The following KANK1 variants were observed in gnomAD, a reference collection of about 807,000 sequenced individuals.
The protein encoded by KANK1 is KN motif and ankyrin repeat domains 1.
In KANK1, 109 loss-of-function variants were observed where a neutral mutation model predicts 106.2. The observed-to-expected ratio is 1.03, with a 90% CI of 0.88 to 1.20. KANK1 has a LOEUF of 1.20. KANK1 is among the 50% of genes most tolerant of loss of function. The pLI is 0.00. For missense variants in KANK1, 2,399 were observed against 1,710.7 expected (o/e 1.40, Z -7.10); for synonymous variants, 873 against 652.2 (o/e 1.34, Z -5.16).
At chr9:589,577 A>G (rs1014126325) in intron 1 of KANK1, among the ~76,000 whole-genome samples, 2 of 152,116 alleles carry the variant, frequency 1.3e-5, no homozygotes, top group Non-Finnish European at 2.9e-5. Flanking sequence ...TTCCGTGACT[A>G]CAGGGCTGGC....
chr9:671,509 T>TGGTCTGTGCCTGTAGTCCCAGCTAATTG (rs145823320), intron 1 of KANK1, among the ~76,000 whole-genome samples: 2 of 144,304 alleles, frequency 1.4e-5, no homozygotes, highest in Admixed American at 1.4e-4. Context: ...CTGGACGTGG[T>TGGTCTGTGCCTGTAGTCCCAGCTAATTG]GGAGGCTGAG....
chr9:581,405 C>T (rs571979620), intron 1 of KANK1, among the ~76,000 whole-genome samples: 3 of 152,304 alleles, frequency 2.0e-5, no homozygotes, highest in Non-Finnish European at 1.5e-5. Flanking sequence ...AGAGCCTTCT[C>T]GTAAATCTGT....
intron 1 of KANK1, among the ~76,000 whole-genome samples, chr9:555,623 A>G (rs143552434): frequency 1.2e-4 from 19 of 152,310 alleles, no homozygotes; most frequent in Admixed American, 1.2e-3. Context: ...AAATAACTGT[A>G]AAAGCGTAAG....
rs796705374 is a variant in KANK1, at chr9:472,706, T to C, written c.-441-488T>C. On this transcript the variant is annotated intron_variant, in intron 2 of 15. Coordinates refer to the KANK1 transcript ENST00000382303. ...GACTGGTTACACAATTTGCAGGGATTAGTGTAAAAGGAAATGCAGGTTTCC... is the reference window on the plus strand; with the variant it reads ...GACTGGTTACACAATTTGCAGGGATCAGTGTAAAAGGAAATGCAGGTTTCC... Among the ~76,000 whole-genome samples, 22 of 152,288 alleles carry C rather than the reference T, an allele frequency of 1.4e-4. 1 individual carries two copies. The highest frequency in any genetic ancestry group is 5.3e-4 in the African/African-American group (22 of 41,554).
chr9:708,536 G>A (rs1354406135), intron 2 of KANK1, among the ~76,000 whole-genome samples: 1 of 152,172 alleles, frequency 6.6e-6, no homozygotes, highest in South Asian at 2.1e-4. Flanking sequence ...AAATTGGGAC[G>A]TAAGGAATAT....
intron 1 of KANK1, among the ~76,000 whole-genome samples, chr9:560,632 C>A (rs1156966138): frequency 6.6e-6 from 1 of 152,092 alleles, no homozygotes; most frequent in Non-Finnish European, 1.5e-5. Context: ...AAATTATCAC[C>A]AGATAAAATG....
intron 9 of KANK1, among the ~76,000 whole-genome samples, chr9:741,573 T>C (rs1037744406): frequency 2.2e-4 from 34 of 151,214 alleles, no homozygotes; most frequent in Admixed American, 6.6e-4. Flanking sequence ...CTGGAAGCTC[T>C]GCCTCCCGGG....
At chr9:660,230 C>A in intron 1 of KANK1, 2 of 258,036 alleles carry the variant, frequency 7.8e-6, no homozygotes, top group South Asian at 1.1e-4. Flanking sequence ...ATATGGAGGT[C>A]ATTCAGCTAC....
At chr9:641,230 A>G (rs532980433) in intron 1 of KANK1, among the ~76,000 whole-genome samples, 2 of 152,328 alleles carry the variant, frequency 1.3e-5, no homozygotes, top group Admixed American at 6.5e-5. Context: ...AATTAATGCA[A>G]TCAGATATGA....
chr9:565,341 C>G (rs928730318), intron 1 of KANK1, among the ~76,000 whole-genome samples: 1 of 152,178 alleles, frequency 6.6e-6, no homozygotes, highest in Non-Finnish European at 1.5e-5. Context: ...CATGTTTGCT[C>G]CCATTCTACC....
rs768580614 is a variant in KANK1, at chr9:475,529, ATCTTT to A, written c.-362+2261_-362+2265del. Among the ~76,000 whole-genome samples the A allele has an allele frequency of 1.4e-4, 22 of 152,218 alleles. No homozygotes were observed. The East Asian group carries it at 3.3e-3, about 23-fold the overall frequency. ...ACTCCTGCTTGAGGACTAAGCTCTGATCTTTTCTTATCTTCCAAATTCCTATCTAG... is the reference window on the plus strand; with the variant it reads ...ACTCCTGCTTGAGGACTAAGCTCTGATCTTATCTTCCAAATTCCTATCTAG... On this transcript the variant is annotated intron_variant, in intron 3 of 15. Transcript: ENST00000382303.
At chr9:639,650 C>T (rs1043063149) in intron 1 of KANK1, among the ~76,000 whole-genome samples, 1 of 152,172 alleles carries the variant, frequency 6.6e-6, no homozygotes, top group African/African-American at 2.4e-5. Context: ...AGTGCCACAC[C>T]CTCTGCCTTC....
intron 1 of KANK1, among the ~76,000 whole-genome samples, chr9:613,376 C>G (rs908278407): frequency 6.6e-6 from 1 of 151,312 alleles, no homozygotes; most frequent in African/African-American, 2.4e-5. Context: ...ACAAGCTTGT[C>G]CAACCCATGG....
chr9:553,946 C>T (rs1202455629), intron 1 of KANK1, among the ~76,000 whole-genome samples: 9 of 152,126 alleles, frequency 5.9e-5, no homozygotes, highest in Admixed American at 5.9e-4. Flanking sequence ...TCCTCTGGAG[C>T]ATTATGTTAA....
chr9:716,743 C>G (rs549483744), intron 3 of KANK1, among the ~76,000 whole-genome samples: 28 of 152,154 alleles, frequency 1.8e-4, no homozygotes, highest in Admixed American at 4.6e-4. Context: ...CTTAAAATTA[C>G]AACTAGAGCA....
chr9:472,141 A>G (rs1002188167), intron 2 of KANK1, among the ~76,000 whole-genome samples: 4 of 152,152 alleles, frequency 2.6e-5, no homozygotes, highest in Admixed American at 6.5e-5. Context: ...AATACACCCT[A>G]CCTTATTCAC....
At chr9:637,753 A>G (rs1453494351) in intron 1 of KANK1, among the ~76,000 whole-genome samples, 2 of 152,182 alleles carry the variant, frequency 1.3e-5, no homozygotes, top group Admixed American at 6.5e-5. Flanking sequence ...TACTTTTCCT[A>G]ATAGTGGGTA....
chr9:639,647 C>T (rs1817853689), intron 1 of KANK1, among the ~76,000 whole-genome samples: 1 of 152,204 alleles, frequency 6.6e-6, no homozygotes, highest in African/African-American at 2.4e-5. Context: ...AACAGTGCCA[C>T]ACCCTCTGCC....
chr9:644,682 C>G (rs1353101170), intron 1 of KANK1, among the ~76,000 whole-genome samples: 1 of 150,942 alleles, frequency 6.6e-6, no homozygotes, highest in Non-Finnish European at 1.5e-5. Flanking sequence ...ATCCAATCAC[C>G]TCCCACTAGG....
Sources: allele counts gnomAD v4.1 joint callset (sites outside exome capture counted in the v4.1 genomes callset), GRCh38; gene constraint gnomAD v4.1.1; transcripts MANE v1.5; gene names NCBI Gene and HGNC (gene_info 2026-07-23, HGNC 2026-07-21).